The following TMEM144 variants were observed in gnomAD, a reference collection of about 807,000 sequenced individuals.
The protein encoded by TMEM144 is transmembrane protein 144.
A neutral mutation model predicts 43.6 loss-of-function variants in TMEM144; 39 were observed. That is an observed-to-expected ratio of 0.90 (90% confidence interval 0.69 to 1.17). The LOEUF (loss-of-function observed/expected upper bound fraction) is 1.17, where lower values mean the gene tolerates loss of function less well. Ranked by LOEUF, TMEM144 falls within the 50% of genes most tolerant of loss-of-function variation. The probability of loss-of-function intolerance (pLI) is 0.00; values close to 1 mark genes in which losing one functional copy is unlikely to be tolerated. For missense variants in TMEM144, 417 were observed against 411.9 expected, an observed-to-expected ratio of 1.01 and a Z score of -0.11; for synonymous variants, 154 against 133.6, an observed-to-expected ratio of 1.15 and a Z score of -1.06.
At chr4:158,242,984 C>T (rs982865262) in intron 11 of TMEM144, among the ~76,000 whole-genome samples, 1 of 152,298 alleles carries the variant, frequency 6.6e-6, no homozygotes, top group African/African-American at 2.4e-5. Flanking sequence ...CCTGTAACCA[C>T]ACTACTCACG....
At chr4:158,227,623 C>A (rs534889313) in intron 6 of TMEM144, among the ~76,000 whole-genome samples, 1 of 152,152 alleles carries the variant, frequency 6.6e-6, no homozygotes, top group East Asian at 1.9e-4. Context: ...TCTCTCTTCT[C>A]GCTTATTCTG....
At position 158,255,262 on chromosome 4, in the gene TMEM144, T is replaced by C. The variant is rs181565715; in HGVS notation, c.*1735T>C. ...TGTCATTAAATTATGCTGATAAACTTTGAATAAATTGTGATACAAAAGCTA... is the reference window on the plus strand; with the variant it reads ...TGTCATTAAATTATGCTGATAAACTCTGAATAAATTGTGATACAAAAGCTA... On this transcript the variant is annotated 3_prime_UTR_variant, in exon 13 of 13. Coordinates refer to ENST00000296529, the MANE Select transcript of TMEM144 (RefSeq NM_018342.5). The C allele has an allele frequency of 1.4e-4, 21 of 152,090 alleles. No homozygotes were observed. In the East Asian group the frequency reaches 4.1e-3, roughly 29 times the overall value. The allele number at this position is 152,090 out of a possible 1,614,324, so 9.4% of individuals were successfully genotyped here. A position where few individuals can be genotyped will look rare whatever the true frequency, so the allele number is the denominator to read the frequency against.
In TMEM144 at chr4:158,244,190, G is replaced by A. The variant is rs565175595; in HGVS notation, c.901-106G>A. On this transcript the variant is annotated intron_variant, in intron 11 of 12. Coordinates refer to ENST00000296529, the MANE Select transcript of TMEM144 (RefSeq NM_018342.5). ...GGAGTTAGGGTTGATATTATGGGTAGTTTTCCCTGAAAATATGTTTATACT... is the reference window on the plus strand; with the variant it reads ...GGAGTTAGGGTTGATATTATGGGTAATTTTCCCTGAAAATATGTTTATACT... 1.3e-4 allele frequency: 91 copies of A among 726,830 alleles called. No homozygotes were observed. The South Asian group carries it at 2.3e-3, about 18-fold the overall frequency. 45.0% of individuals were successfully genotyped at this position (726,830 alleles called of 1,614,324 possible).
intron 6 of TMEM144, among the ~76,000 whole-genome samples, chr4:158,225,660 G>C (rs533898712): frequency 1.2e-3 from 185 of 152,350 alleles, no homozygotes; most frequent in African/African-American, 3.9e-3. Flanking sequence ...CAAGTGCCAT[G>C]CTAGTTATTC....
Position 158,215,248 on chromosome 4 carries a change from A to G in TMEM144, c.167A>G (p.Asn56Ser), listed in dbSNP as rs1160217405. The change falls in exon 4 of 13, where the codon AAT becomes AGT. Residue 56 changes from asparagine to serine, a missense_variant. Transcript: ENST00000296529. ...ATATGGTTGGTTGCCTTGGTTGTCA[A>G]TCTGATATTACATTGTCCAAAGTTT... ...AAIWLVALVV[N>S]LILHCPKFWP... The G allele has an allele frequency of 6.2e-7, 1 of 1,613,800 alleles. No homozygotes were observed. The highest frequency in any genetic ancestry group is 8.5e-7 in the Non-Finnish European group (1 of 1,179,842).
chr4:158,220,827 A>G lies in TMEM144; in HGVS notation c.413+1437A>G, dbSNP rs551542273. Among the ~76,000 whole-genome samples the G allele has an allele frequency of 1.2e-4, 19 of 152,298 alleles. No individual in the cohort carries two copies. The South Asian group carries it at 3.3e-3, about 27-fold the overall frequency. On this transcript the variant is annotated intron_variant, in intron 6 of 12. Transcript: ENST00000296529. Reference sequence around the variant, plus strand: ...TGCACCTGAGGAACCCTGTAGCTCAATTTGAACTTGGTCTGTAGCAGGGAA... The same window carrying G: ...TGCACCTGAGGAACCCTGTAGCTCAGTTTGAACTTGGTCTGTAGCAGGGAA...
chr4:158,236,611 T>A (rs1276876999), intron 8 of TMEM144, among the ~76,000 whole-genome samples: 4 of 152,162 alleles, frequency 2.6e-5, no homozygotes, highest in South Asian at 2.1e-4. Flanking sequence ...TTAAATTGAC[T>A]GATTTAATTT....
chr4:158,215,486 T>G (rs893428436), intron 4 of TMEM144, among the ~76,000 whole-genome samples, 173 bp downstream of exon 4: 1 of 152,200 alleles, frequency 6.6e-6, no homozygotes, highest in Non-Finnish European at 1.5e-5. Context: ...TTTGGTGCCT[T>G]ACCTGATTTG....
intron 9 of TMEM144, among the ~76,000 whole-genome samples, chr4:158,238,392 T>G (rs1364152495): frequency 6.6e-6 from 1 of 152,088 alleles, no homozygotes; most frequent in Admixed American, 6.6e-5. Context: ...GAACTCAACT[T>G]TAACAGAATG....
At chr4:158,252,319 C>G (rs935235615) in intron 12 of TMEM144, among the ~76,000 whole-genome samples, 5 of 152,158 alleles carry the variant, frequency 3.3e-5, no homozygotes, top group Non-Finnish European at 7.4e-5. Context: ...TTCACACCCT[C>G]TCTGCATTTC....
intron 6 of TMEM144, among the ~76,000 whole-genome samples, 186 bp downstream of exon 6, chr4:158,219,576 G>A (rs569683673): frequency 3.3e-5 from 5 of 152,284 alleles, no homozygotes; most frequent in African/African-American, 1.2e-4. Flanking sequence ...GGCAGGGGCA[G>A]CCCCAGCTTT....
chr4:158,227,355 A>AT (rs900396280), intron 6 of TMEM144, among the ~76,000 whole-genome samples: 5 of 152,104 alleles, frequency 3.3e-5, no homozygotes, highest in Non-Finnish European at 7.4e-5. Context: ...TGGGTTAAGG[A>AT]TTTTTGATAG....
rs1734012808 is a variant in TMEM144 at position 158,212,630 on chromosome 4, G to T, written c.-38G>T. 1.3e-6 allele frequency: 2 copies of T among 1,490,238 alleles called. No individual in the cohort carries two copies. Among genetic ancestry groups the T allele is most frequent in the Non-Finnish European group, 1.8e-6 (2 of 1,087,494 alleles). 92.3% of individuals were successfully genotyped at this position (1,490,238 alleles called of 1,614,324 possible). On this transcript the variant is annotated 5_prime_UTR_variant, in exon 3 of 13. Coordinates refer to ENST00000296529, the MANE Select transcript of TMEM144 (RefSeq NM_018342.5). ...CAGAAGCTCCTGAAAAGTACATCAA[G>T]TCTAAAGTGAACCAGCTAACTCATT...
intron 3 of TMEM144, chr4:158,213,591 T>C (rs1195138744): frequency 6.6e-6 from 1 of 152,236 alleles, no homozygotes; most frequent in East Asian, 1.9e-4. Context: ...TGTTACATTA[T>C]AGCAGAACTG....
At chr4:158,251,250 G>A (rs948378855) in intron 12 of TMEM144, among the ~76,000 whole-genome samples, 3 of 152,060 alleles carry the variant, frequency 2.0e-5, no homozygotes, top group African/African-American at 2.4e-5. Flanking sequence ...GGAGTCTTCC[G>A]CCTTGGATTC....
chr4:158,226,867 A>G (rs964369694), intron 6 of TMEM144, among the ~76,000 whole-genome samples: 5 of 152,130 alleles, frequency 3.3e-5, no homozygotes, highest in African/African-American at 1.2e-4. Context: ...CTCTTTTTAC[A>G]TAAATCCCGC....
intron 8 of TMEM144, 159 bp downstream of exon 8, chr4:158,235,664 G>A (rs530111534): frequency 2.6e-5 from 15 of 576,122 alleles, no homozygotes; most frequent in African/African-American, 2.4e-4. Context: ...GTCCCCAGCT[G>A]AATTTTAGGT....
At chr4:158,226,895 TC>T (rs1364815374) in intron 6 of TMEM144, among the ~76,000 whole-genome samples, 1 of 152,146 alleles carries the variant, frequency 6.6e-6, no homozygotes, top group Non-Finnish European at 1.5e-5. Context: ...TTTTTTCTTT[TC>T]TTTTTCTTTT....
At chr4:158,211,723 A>G (rs1055851730) in intron 2 of TMEM144, 149 bp downstream of exon 2, 22 of 152,208 alleles carry the variant, frequency 1.4e-4, no homozygotes, top group Admixed American at 8.5e-4. Context: ...TCTTAATAGC[A>G]ATGTGTTTTT....
Sources: allele counts gnomAD v4.1 joint callset (sites outside exome capture counted in the v4.1 genomes callset), GRCh38; gene constraint gnomAD v4.1.1; transcripts MANE v1.5; gene names NCBI Gene and HGNC (gene_info 2026-07-23, HGNC 2026-07-21).